NPAS3: variants seen among roughly 807,000 people sequenced by gnomAD.
The protein encoded by NPAS3 is neuronal PAS domain-containing protein 3.
NPAS3 carries 14 observed loss-of-function variants against 73.1 expected under a neutral mutation model. The observed-to-expected ratio is 0.19, with a 90% CI of 0.13 to 0.30. The LOEUF (loss-of-function observed/expected upper bound fraction) is 0.30, where lower values mean the gene tolerates loss of function less well. Ranked by LOEUF, NPAS3 falls within the 10% of genes least tolerant of loss-of-function variation. The pLI is 1.00. For missense variants in NPAS3, 1,096 were observed against 1,250.0 expected (o/e 0.88, Z 1.86); for synonymous variants, 620 against 541.5 (o/e 1.14, Z -2.01).
intron 4 of NPAS3, among the ~76,000 whole-genome samples, chr14:33,524,655 T>C (rs1404913632): frequency 6.6e-6 from 1 of 152,166 alleles, no homozygotes; most frequent in Non-Finnish European, 1.5e-5. Context: ...ACTGGTTGGC[T>C]TACACAACAG....
chr14:33,113,045 T>A (rs2042947935), intron 2 of NPAS3, among the ~76,000 whole-genome samples: 1 of 152,192 alleles, frequency 6.6e-6, no homozygotes, highest in Non-Finnish European at 1.5e-5. Context: ...TTGGTACCAG[T>A]ACCATGCTGT....
intron 4 of NPAS3, among the ~76,000 whole-genome samples, chr14:33,372,137 C>T (rs973585527): frequency 1.3e-5 from 2 of 152,100 alleles, no homozygotes; most frequent in South Asian, 2.1e-4. Flanking sequence ...GAGGTCAGTT[C>T]CAAATACCAG....
chr14:33,710,640 C>G (rs892586329), intron 6 of NPAS3, among the ~76,000 whole-genome samples: 15 of 152,188 alleles, frequency 9.9e-5, no homozygotes, highest in African/African-American at 3.6e-4. Context: ...CACATCCAGA[C>G]AGTGGGTCCC....
chr14:33,320,451 T>A (rs543031385), intron 3 of NPAS3, among the ~76,000 whole-genome samples: 13 of 152,244 alleles, frequency 8.5e-5, no homozygotes, highest in African/African-American at 2.6e-4. Flanking sequence ...AAAAAATTTT[T>A]AAAAAAGAAA....
At chr14:33,043,034 G>T (rs1281566765) in intron 1 of NPAS3, among the ~76,000 whole-genome samples, 1 of 152,084 alleles carries the variant, frequency 6.6e-6, no homozygotes, top group East Asian at 1.9e-4. Context: ...AGTTTTAGTT[G>T]AATGTAATCT....
chr14:33,072,612 T>C (rs1424684312), intron 2 of NPAS3, among the ~76,000 whole-genome samples: 1 of 152,190 alleles, frequency 6.6e-6, no homozygotes, highest in Non-Finnish European at 1.5e-5. Context: ...GGTCCCATCA[T>C]AACCCTGAAT....
At chr14:33,744,806 A>G (rs1334225507) in intron 7 of NPAS3, among the ~76,000 whole-genome samples, 1 of 151,910 alleles carries the variant, frequency 6.6e-6, no homozygotes, top group Non-Finnish European at 1.5e-5. Context: ...GCAAATAATA[A>G]TAATAATAAT....
At chr14:33,197,430 G>T (rs1249172404) in intron 2 of NPAS3, among the ~76,000 whole-genome samples, 1 of 151,974 alleles carries the variant, frequency 6.6e-6, no homozygotes, top group Non-Finnish European at 1.5e-5. Context: ...ATCAGACACT[G>T]CACATAGACA....
intron 4 of NPAS3, among the ~76,000 whole-genome samples, chr14:33,372,921 G>T (rs1009076691): frequency 6.6e-6 from 1 of 152,132 alleles, no homozygotes; most frequent in African/African-American, 2.4e-5. Context: ...TGTGGTTGCT[G>T]CTTTCAACGT....
intron 5 of NPAS3, among the ~76,000 whole-genome samples, chr14:33,564,966 A>G (rs1443505461): frequency 6.6e-6 from 1 of 152,172 alleles, no homozygotes; most frequent in Admixed American, 6.5e-5. Context: ...CCCCTCCTGC[A>G]CATAATGAGT....
intron 4 of NPAS3, among the ~76,000 whole-genome samples, chr14:33,557,507 A>G (rs1195808093): frequency 6.6e-6 from 1 of 152,170 alleles, no homozygotes; most frequent in Non-Finnish European, 1.5e-5. Context: ...TGCTGTGAAT[A>G]TTCGCCTTTT....
intron 4 of NPAS3, among the ~76,000 whole-genome samples, chr14:33,400,019 T>A (rs2138734767): frequency 6.6e-6 from 1 of 152,206 alleles, no homozygotes; most frequent in East Asian, 1.9e-4. Context: ...ATTATAATAA[T>A]TTTTTTACCC....
intron 2 of NPAS3, among the ~76,000 whole-genome samples, chr14:33,149,203 A>G (rs1373635845): frequency 2.6e-5 from 4 of 152,204 alleles, no homozygotes; most frequent in African/African-American, 7.2e-5. Context: ...GGAATAATCC[A>G]TAAGGTATGT....
At chr14:33,731,925 G>A (rs754377529) in intron 6 of NPAS3, among the ~76,000 whole-genome samples, 3 of 151,814 alleles carry the variant, frequency 2.0e-5, no homozygotes, top group Non-Finnish European at 4.4e-5. Flanking sequence ...TAATTCATAG[G>A]GCAGAGCTGG....
intron 4 of NPAS3, among the ~76,000 whole-genome samples, chr14:33,479,225 T>G (rs1385207136): frequency 6.6e-6 from 1 of 152,162 alleles, no homozygotes; most frequent in Admixed American, 6.6e-5. Flanking sequence ...AAGAGTATGC[T>G]TTTCCTTTTT....
At chr14:33,366,095 A>C (rs1006887319) in intron 3 of NPAS3, among the ~76,000 whole-genome samples, 1 of 152,134 alleles carries the variant, frequency 6.6e-6, no homozygotes, top group Non-Finnish European at 1.5e-5. Context: ...GTGTAAAGCA[A>C]ATGGATTTTT....
rs375579407 is a variant in NPAS3 at position 33,286,434 on chromosome 14, A to G, written c.385+71008A>G. On this transcript the variant is annotated intron_variant, in intron 3 of 11. Coordinates refer to ENST00000356141, the Ensembl canonical transcript of NPAS3. Reference sequence around the variant, plus strand: ...ATCATAGTTGTTTTAAAAAAATTCCATGAGACAGATAAACAAACAGATAAT... The same window carrying G: ...ATCATAGTTGTTTTAAAAAAATTCCGTGAGACAGATAAACAAACAGATAAT... Among the ~76,000 whole-genome samples the G allele has an allele frequency of 1.4e-4, 22 of 152,332 alleles. No individual in the cohort carries two copies. The East Asian group carries it at 4.2e-3, about 29-fold the overall frequency.
At chr14:32,936,632 GGCC>G (rs1360051034), upstream of NPAS3, among the ~76,000 whole-genome samples, 4 of 152,094 alleles carry the variant, frequency 2.6e-5, no homozygotes, top group African/African-American at 9.7e-5. Context: ...AATGTCAGAT[GGCC>G]TTTGGAAGAT....
intron 1 of NPAS3, among the ~76,000 whole-genome samples, chr14:33,012,416 T>C (rs1364900812): frequency 2.0e-5 from 3 of 152,238 alleles, no homozygotes; most frequent in Non-Finnish European, 4.4e-5. Context: ...AATAACTTGC[T>C]AAATAGCGGG....
Sources: allele counts gnomAD v4.1 joint callset (sites outside exome capture counted in the v4.1 genomes callset), GRCh38; gene constraint gnomAD v4.1.1; transcripts MANE v1.5; gene names NCBI Gene and HGNC (gene_info 2026-07-23, HGNC 2026-07-21).